CHN2: variants seen among roughly 807,000 people sequenced by gnomAD.
The protein encoded by CHN2 is beta-chimaerin.
CHN2 carries 35 observed loss-of-function variants against 56.3 expected under a neutral mutation model. The ratio of observed to expected loss-of-function variants is 0.62; its 90% confidence interval spans 0.47 to 0.82. The LOEUF is 0.82. Ranked by LOEUF, CHN2 falls within the 40% of genes least tolerant of loss-of-function variation. The pLI is 0.00. For missense variants in CHN2, 491 were observed against 580.5 expected, an observed-to-expected ratio of 0.85 and a Z score of 1.58; for synonymous variants, 210 against 212.8, an observed-to-expected ratio of 0.99 and a Z score of 0.12.
intron 2 of CHN2, among the ~76,000 whole-genome samples, chr7:29,153,665 G>A (rs1417166834): frequency 6.6e-6 from 1 of 152,124 alleles, no homozygotes; most frequent in Non-Finnish European, 1.5e-5. Flanking sequence ...CGCCTCCCAG[G>A]TTCAAGGAAT....
At position 29,175,608 on chromosome 7, in the gene CHN2, A is replaced by G. The variant is rs147911158; in HGVS notation, c.274+28648A>G. 5.7e-3 allele frequency among the ~76,000 whole-genome samples: 867 copies of G among 152,164 alleles called. 7 individuals are homozygous for G. The highest frequency in any genetic ancestry group is 9.2e-3 in the Non-Finnish European group (626 of 68,008). On this transcript the variant is annotated intron_variant, in intron 2 of 6. Coordinates refer to the CHN2 transcript ENST00000439384. ...TCCCCAGCCGTATGGAACTGAGTCA[A>G]TTTTTCCTCTTATCTTTGTAGATTA... is the stretch of plus-strand genomic sequence containing the variant.
chr7:29,174,860 TAAA>T (rs766262407), intron 2 of CHN2, among the ~76,000 whole-genome samples: 4 of 74,228 alleles, frequency 5.4e-5, no homozygotes, highest in Admixed American at 1.4e-4. Flanking sequence ...AAACTCCATC[TAAA>T]AAAAAAAAAA....
chr7:29,378,527 T>G (rs2128054412), intron 3 of CHN2, among the ~76,000 whole-genome samples: 1 of 152,356 alleles, frequency 6.6e-6, no homozygotes, highest in East Asian at 1.9e-4. Flanking sequence ...CTGTTATATA[T>G]TATCTGTGGC....
intron 3 of CHN2, 78 bp downstream of exon 3, chr7:29,368,065 C>T: frequency 1.6e-6 from 2 of 1,232,362 alleles, no homozygotes; most frequent in Non-Finnish European, 2.2e-6. Context: ...GGAGGGATTT[C>T]AGGTTTCCTG....
chr7:29,418,791 T>C (rs1023376425), intron 6 of CHN2, among the ~76,000 whole-genome samples: 4 of 152,232 alleles, frequency 2.6e-5, no homozygotes, highest in Non-Finnish European at 5.9e-5. Flanking sequence ...GGTGCTTTTT[T>C]CCTTGGCGTG....
chr7:29,413,656 G>C (rs1431677620), intron 6 of CHN2, among the ~76,000 whole-genome samples: 1 of 152,186 alleles, frequency 6.6e-6, no homozygotes, highest in Non-Finnish European at 1.5e-5. Flanking sequence ...GCTTGGGAAA[G>C]CCAGGCGATT....
intron 1 of CHN2, among the ~76,000 whole-genome samples, chr7:29,229,617 A>G (rs1485634519): frequency 1.3e-5 from 2 of 152,218 alleles, no homozygotes; most frequent in Non-Finnish European, 2.9e-5. Flanking sequence ...GACTGGAAAG[A>G]ACCTTTAGAT....
chr7:29,399,813 C>T (rs763545236), intron 5 of CHN2, among the ~76,000 whole-genome samples: 34 of 152,156 alleles, frequency 2.2e-4, no homozygotes, highest in African/African-American at 6.5e-4. Context: ...TTATATCATG[C>T]GCTCTAGGTG....
At chr7:29,470,240 A>G (rs967371414) in intron 6 of CHN2, among the ~76,000 whole-genome samples, 5 of 152,198 alleles carry the variant, frequency 3.3e-5, no homozygotes, top group Non-Finnish European at 4.4e-5. Context: ...ACAAGGACCA[A>G]TTGTAGATTT....
chr7:29,506,369 G>A lies in CHN2; in HGVS notation c.992-859G>A, dbSNP rs1031222224. On this transcript the variant is annotated intron_variant, in intron 10 of 12. Coordinates refer to ENST00000222792, the MANE Select transcript of CHN2 (RefSeq NM_004067.4). ...ACTGTCAAAATAGGCCAGGCGTGGT[G>A]GCTCACACCTGTAATCCGAGCATTT... Among the ~76,000 whole-genome samples, 8 of 152,166 alleles carry A rather than the reference G, an allele frequency of 5.3e-5. No homozygotes were observed. In the South Asian group the frequency reaches 1.0e-3, roughly 20 times the overall value.
At chr7:29,256,366 A>G (rs965989535) in intron 1 of CHN2, among the ~76,000 whole-genome samples, 3 of 152,232 alleles carry the variant, frequency 2.0e-5, no homozygotes, top group Non-Finnish European at 2.9e-5. Context: ...TTTAATGTTT[A>G]TCGATTTCAA....
At position 29,454,978 on chromosome 7, in the gene CHN2, AT is replaced by A. The variant is rs559366127; in HGVS notation, c.577-25297del. ...AATATGATTTGATTTCTAAAAATCA[AT>A]TTTATGGATCCTTTTAGAGGCATCA... On this transcript the variant is annotated intron_variant, in intron 6 of 12. Coordinates refer to ENST00000222792, the MANE Select transcript of CHN2 (RefSeq NM_004067.4). Among the ~76,000 whole-genome samples the A allele has an allele frequency of 2.7e-3, 411 of 152,284 alleles. 2 individuals are homozygous for A. Among genetic ancestry groups the A allele is most frequent in the Non-Finnish European group, 3.5e-3 (241 of 68,026 alleles).
intron 1 of CHN2, among the ~76,000 whole-genome samples, chr7:29,345,359 G>C (rs1012621933): frequency 6.6e-6 from 1 of 152,210 alleles, no homozygotes; most frequent in African/African-American, 2.4e-5. Flanking sequence ...GTTTCGGATG[G>C]TGAAAAGGCT....
chr7:29,368,790 C>T (rs1799380354), intron 3 of CHN2, among the ~76,000 whole-genome samples: 3 of 152,104 alleles, frequency 2.0e-5, no homozygotes, highest in South Asian at 4.1e-4. Flanking sequence ...CCTGCATACC[C>T]ATACTCAGAG....
At chr7:29,362,218 T>C (rs1389545207) in intron 2 of CHN2, among the ~76,000 whole-genome samples, 1 of 152,200 alleles carries the variant, frequency 6.6e-6, no homozygotes, top group Non-Finnish European at 1.5e-5. Context: ...GGCTGAAAAC[T>C]ACAGCCTTTG....
chr7:29,463,440 A>G (rs564424078), intron 6 of CHN2, among the ~76,000 whole-genome samples: 65 of 151,880 alleles, frequency 4.3e-4, no homozygotes, highest in African/African-American at 1.4e-3. Flanking sequence ...CACCCACCCC[A>G]CAGACACTCT....
At chr7:29,228,918 T>G (rs1326581452) in intron 1 of CHN2, among the ~76,000 whole-genome samples, 1 of 152,234 alleles carries the variant, frequency 6.6e-6, no homozygotes, top group African/African-American at 2.4e-5. Flanking sequence ...TTCACGCCCA[T>G]TCTTCCTTTT....
chr7:29,158,921 G>C (rs1794799098), intron 2 of CHN2, among the ~76,000 whole-genome samples: 1 of 152,210 alleles, frequency 6.6e-6, no homozygotes, highest in Admixed American at 6.5e-5. Context: ...AAAATTGCTA[G>C]AGGAATGTAA....
intron 1 of CHN2, among the ~76,000 whole-genome samples, chr7:29,272,221 G>A (rs1190292187): frequency 2.0e-5 from 3 of 152,148 alleles, no homozygotes; most frequent in African/African-American, 7.2e-5. Context: ...GCTCAGGATA[G>A]CATCTCACTT....
Sources: gnomAD v4.1 joint callset for allele counts (sites outside exome capture counted in the v4.1 genomes callset) on GRCh38, gnomAD v4.1.1 for gene constraint, MANE v1.5 for transcripts, NCBI Gene and HGNC (gene_info 2026-07-23, HGNC 2026-07-21) for gene names.